Variants in PPP1R36 observed in about 807,000 individuals in gnomAD.
PPP1R36 encodes the protein protein phosphatase 1 regulatory subunit 36, also known as chromosome 14 open reading frame 50.
In PPP1R36, 47 loss-of-function variants were observed where a neutral mutation model predicts 53.4. The observed-to-expected ratio is 0.88, with a 90% CI of 0.70 to 1.12. PPP1R36 has a LOEUF of 1.12. Ranked by LOEUF, PPP1R36 falls within the 50% of genes most tolerant of loss-of-function variation. PPP1R36 has a pLI of 0.00. For synonymous variants in PPP1R36, 153 were observed against 170.5 expected (o/e 0.90, Z 0.80); for missense variants, 456 against 513.9 (o/e 0.89, Z 1.09).
chr14:64,568,405 TG>T lies in PPP1R36; in HGVS notation c.493del (p.Glu165LysfsTer14). 2 of 1,567,856 alleles carry T rather than the reference TG, an allele frequency of 1.3e-6. No individual in the cohort carries two copies. Among genetic ancestry groups the T allele is most frequent in the Non-Finnish European group, 8.7e-7 (1 of 1,150,220 alleles). ...TTATTGTACTACTTATCCCATTACT[TG>T]GAAAAAAACTCACTGGAAAAGAAAC... ...MALLYYLSHY[L>X]EKNSLEKKPK... is the part of the protein sequence containing the mutation. On this transcript the variant is annotated frameshift_variant, in exon 7 of 12. Transcript: ENST00000298705. LOFTEE classifies it high-confidence loss of function.
chr14:64,566,232 C>A (rs980339272), intron 6 of PPP1R36, among the ~76,000 whole-genome samples: 10 of 152,092 alleles, frequency 6.6e-5, no homozygotes, highest in Non-Finnish European at 4.4e-5. Context: ...TGTGCCAATG[C>A]GCTCCAGCCT....
rs1484686669 is a variant in PPP1R36 at position 64,574,474 on chromosome 14, G to T, written c.553G>T (p.Glu185Ter). 1.2e-6 allele frequency: 2 copies of T among 1,613,082 alleles called. No homozygotes were observed. Among genetic ancestry groups the T allele is most frequent in the South Asian group, 1.1e-5 (1 of 90,726 alleles). ...SYMVGLVEKK[E>*]MELVLSELEA... ...CATCAGAGGCCTTGTAGAGAAAAAA[G>T]AAATGGAATTGGTTTTAAGTGAATT... Residue 185 changes from glutamate to a stop codon, truncating the protein, a stop_gained, in exon 8 of 12, where the codon GAA becomes TAA. Transcript: ENST00000298705. LOFTEE classifies it high-confidence loss of function.
At chr14:64,563,789 G>T (rs1469203659) in intron 3 of PPP1R36, among the ~76,000 whole-genome samples, 1 of 152,090 alleles carries the variant, frequency 6.6e-6, no homozygotes, top group Non-Finnish European at 1.5e-5. Flanking sequence ...TTGGGCAGAG[G>T]GTAAACTTCG....
intron 3 of PPP1R36, chr14:64,561,879 C>G (rs1182578069): frequency 2.2e-6 from 1 of 454,454 alleles, no homozygotes; most frequent in Non-Finnish European, 4.4e-6. Context: ...ACCAAGGAAA[C>G]CCTACTCTTT....
At chr14:64,561,668 C>A in intron 3 of PPP1R36, 1 of 403,382 alleles carries the variant, frequency 2.5e-6, no homozygotes, top group South Asian at 1.8e-5. Flanking sequence ...AGCATGCATG[C>A]CCATTTCTTA....
chr14:64,574,636 T>C (rs773421033), intron 8 of PPP1R36, 47 bp downstream of exon 8: 5 of 1,559,228 alleles, frequency 3.2e-6, no homozygotes, highest in Non-Finnish European at 4.3e-6. Context: ...CATCATAGAC[T>C]CACATCCTTA....
chr14:64,574,584 TG>T lies in PPP1R36; in HGVS notation c.665del (p.Gly222GlufsTer35). 1 of 1,611,192 alleles carries T rather than the reference TG, an allele frequency of 6.2e-7. No individual in the cohort carries two copies. Reference protein sequence around the residue: ...AVPDKHHMCCGKEKISDTQKD... With the variant: ...AVPDKHHMCCXKEKISDTQKD... ...TGCCGGATAAGCATCACATGTGCTG[TG>T]GAAAGTAAGCAGATACTTACACTTC... On this transcript the variant is annotated frameshift_variant, in exon 8 of 12. Coordinates refer to ENST00000298705, the MANE Select transcript of PPP1R36 (RefSeq NM_172365.3). LOFTEE classifies it high-confidence loss of function.
intron 7 of PPP1R36, among the ~76,000 whole-genome samples, chr14:64,570,123 G>A (rs2080291525): frequency 6.6e-6 from 1 of 152,098 alleles, no homozygotes; most frequent in Admixed American, 6.6e-5. Context: ...AGTGGTATAA[G>A]GTAGACTGTT....
In PPP1R36 at chr14:64,586,135, TGTACTTTTA is replaced by T. The variant is rs1022702147; in HGVS notation, c.669-685_669-677del. 9.9e-5 allele frequency: 15 copies of T among 152,198 alleles called. No individual in the cohort carries two copies. In the South Asian group the frequency reaches 1.0e-3, roughly 11 times the overall value. The allele number at this position is 152,198 out of a possible 1,614,324, so 9.4% of individuals were successfully genotyped here. On this transcript the variant is annotated intron_variant, in intron 8 of 11. Transcript: ENST00000298705. ...TTGTACTTTTAGTAGAGCTAATTTT[TGTACTTTTA>T]GTACTTTTAGTACTTTAACAGCGTC... is the stretch of plus-strand genomic sequence containing the variant.
chr14:64,583,345 A>C (rs2080404835), intron 8 of PPP1R36, among the ~76,000 whole-genome samples: 2 of 152,116 alleles, frequency 1.3e-5, no homozygotes, highest in South Asian at 4.1e-4. Context: ...GCCAGAAGTA[A>C]ATTTGTAGAG....
At chr14:64,562,852 TTTTTA>T (rs1391480118) in intron 3 of PPP1R36, among the ~76,000 whole-genome samples, 7 of 152,018 alleles carry the variant, frequency 4.6e-5, no homozygotes, top group South Asian at 2.1e-4. Context: ...ATGATTTTAT[TTTTTA>T]TTTTATTTTA....
intron 10 of PPP1R36, 36 bp from the exon 11 acceptor site, chr14:64,588,068 G>A: frequency 1.3e-6 from 2 of 1,545,812 alleles, no homozygotes; most frequent in Non-Finnish European, 1.8e-6. Flanking sequence ...AGAAAACAGG[G>A]TGATATGACC....
intron 8 of PPP1R36, among the ~76,000 whole-genome samples, chr14:64,578,347 A>T (rs2080359922): frequency 6.6e-6 from 1 of 152,166 alleles, no homozygotes; most frequent in Admixed American, 6.5e-5. Context: ...ACGCTCCTAA[A>T]CCAGTGTTTT....
intron 3 of PPP1R36, among the ~76,000 whole-genome samples, chr14:64,555,264 T>C (rs2080139291): frequency 6.6e-6 from 1 of 152,260 alleles, no homozygotes. Flanking sequence ...TAATTGTCTA[T>C]CGCTGAAAAT....
intron 11 of PPP1R36, chr14:64,588,654 G>A (rs902287533): frequency 3.2e-5 from 6 of 184,720 alleles, no homozygotes; most frequent in African/African-American, 1.3e-4. Context: ...TCTGCCTCCC[G>A]AGTTTAAGTG....
At chr14:64,580,030 T>C (rs755206097) in intron 8 of PPP1R36, among the ~76,000 whole-genome samples, 45 of 152,170 alleles carry the variant, frequency 3.0e-4, no homozygotes, top group Non-Finnish European at 5.4e-4. Context: ...CCAGGCACAG[T>C]GGCTCATGCC....
At chr14:64,582,449 A>G (rs993644665) in intron 8 of PPP1R36, among the ~76,000 whole-genome samples, 1 of 152,220 alleles carries the variant, frequency 6.6e-6, no homozygotes, top group East Asian at 1.9e-4. Context: ...TAGATTTACT[A>G]CCAGGCTGGC....
At chr14:64,568,319 CTT>C (rs745660016) in intron 6 of PPP1R36, 28 bp from the exon 7 acceptor site, 2 of 1,024,734 alleles carry the variant, frequency 2.0e-6, no homozygotes, top group Non-Finnish European at 2.9e-6. Context: ...AGCATTGACT[CTT>C]TTTTTGTTGT....
At chr14:64,552,661 TAA>T (rs2080104854) in intron 2 of PPP1R36, 151 bp from the exon 3 acceptor site, 1 of 605,052 alleles carries the variant, frequency 1.7e-6, no homozygotes, top group African/African-American at 1.9e-5. Flanking sequence ...ATTATAAATA[TAA>T]TGACATGTTT....
Sources: allele counts gnomAD v4.1 joint callset (sites outside exome capture counted in the v4.1 genomes callset), GRCh38; gene constraint gnomAD v4.1.1; transcripts MANE v1.5; gene names NCBI Gene and HGNC (gene_info 2026-07-23, HGNC 2026-07-21).